The following PRH1 variants were observed in gnomAD, a reference collection of about 807,000 sequenced individuals.
PRH1 encodes salivary acidic proline-rich phosphoprotein 1/2.
A neutral mutation model predicts 7.9 loss-of-function variants in PRH1; 7 were observed. The observed-to-expected ratio is 0.89, with a 90% CI of 0.50 to 1.67. The LOEUF (loss-of-function observed/expected upper bound fraction) is 1.67, where lower values mean the gene tolerates loss of function less well. Ranked by LOEUF, PRH1 falls within the 40% of genes most tolerant of loss-of-function variation. The pLI is 0.00. For missense variants in PRH1, 109 were observed against 223.6 expected (o/e 0.49, Z 3.27); for synonymous variants, 45 against 80.8 (o/e 0.56, Z 2.38).
chr12:11,143,038 G>T (rs908644813), intron 1 of PRH1, among the ~76,000 whole-genome samples: 24 of 152,150 alleles, frequency 1.6e-4, no homozygotes, highest in African/African-American at 5.5e-4. Context: ...TAAGGAGACA[G>T]AAAAACACAG....
At chr12:10,926,263 G>C (rs1277688385) in intron 2 of PRH1, among the ~76,000 whole-genome samples, 1 of 152,140 alleles carries the variant, frequency 6.6e-6, no homozygotes, top group African/African-American at 2.4e-5. Context: ...TAAACTGCCA[G>C]ACAAGCAACT....
intron 1 of PRH1, among the ~76,000 whole-genome samples, chr12:11,083,718 G>A (rs1259829897): frequency 2.0e-5 from 3 of 152,284 alleles, no homozygotes; most frequent in Non-Finnish European, 2.9e-5. Context: ...CATCCCAATT[G>A]TTATGATAAT....
intron 2 of PRH1, chr12:10,938,463 T>G (rs755402197): frequency 1.2e-6 from 2 of 1,613,884 alleles, no homozygotes; most frequent in African/African-American, 2.7e-5. Flanking sequence ...CAAACTGATA[T>G]GAAAAAAGAC....
chr12:11,065,838 A>C (rs1278890159), intron 1 of PRH1, among the ~76,000 whole-genome samples: 1 of 152,206 alleles, frequency 6.6e-6, no homozygotes, highest in Admixed American at 6.5e-5. Flanking sequence ...ACTTGGAAGA[A>C]ACTGGAAATT....
At chr12:11,133,102 A>G (rs1946416810) in intron 1 of PRH1, 1 of 668,956 alleles carries the variant, frequency 1.5e-6, no homozygotes, top group African/African-American at 1.9e-5. Flanking sequence ...GTTATTGTCA[A>G]TGTTCTTCAG....
chr12:11,171,317 C>T (rs953287918), intron 1 of PRH1: 17 of 1,210,506 alleles, frequency 1.4e-5, no homozygotes, highest in Non-Finnish European at 1.7e-5. Context: ...CCTGCGGCAA[C>T]CCTCGCTACA....
At chr12:10,908,782 CAA>C (rs1308300626) in intron 2 of PRH1, 1 of 1,613,870 alleles carries the variant, frequency 6.2e-7, no homozygotes, top group African/African-American at 1.3e-5. Flanking sequence ...GAAAATGTTT[CAA>C]AGTCACTCAT....
chr12:10,957,267 T>C (rs545870556), intron 2 of PRH1, among the ~76,000 whole-genome samples: 11 of 152,140 alleles, frequency 7.2e-5, no homozygotes, highest in Non-Finnish European at 4.4e-5. Flanking sequence ...GCCACCCACC[T>C]ACAACCATCT....
intron 1 of PRH1, among the ~76,000 whole-genome samples, chr12:10,989,059 C>A (rs957583845): frequency 6.6e-6 from 1 of 152,170 alleles, no homozygotes; most frequent in Non-Finnish European, 1.5e-5. Context: ...CCACCCGCCT[C>A]GGCCTCCCAA....
At chr12:11,072,838 TGG>T (rs1237197181) in intron 1 of PRH1, among the ~76,000 whole-genome samples, 2 of 119,274 alleles carry the variant, frequency 1.7e-5, no homozygotes, top group Non-Finnish European at 4.0e-5. Flanking sequence ...GGCCTTTGTT[TGG>T]TAAGAACGAA....
intron 1 of PRH1, among the ~76,000 whole-genome samples, chr12:11,007,793 A>C (rs11054155): frequency 0.23 from 34,566 of 151,930 alleles, 3,982 homozygotes; most frequent in Non-Finnish European, 0.24. Context: ...GAATGAGATC[A>C]CCCCCTCCAG....
chr12:10,952,848 T>C (rs1409398786), intron 2 of PRH1, among the ~76,000 whole-genome samples: 1 of 152,154 alleles, frequency 6.6e-6, no homozygotes, highest in Non-Finnish European at 1.5e-5. Flanking sequence ...CTGGCATGTG[T>C]TAACAAGCTT....
At chr12:10,924,234 G>A (rs985125482) in intron 2 of PRH1, among the ~76,000 whole-genome samples, 4 of 151,966 alleles carry the variant, frequency 2.6e-5, no homozygotes, top group South Asian at 2.1e-4. Context: ...TGATCCACCC[G>A]CCTCGGCCTC....
chr12:11,096,451 C>T lies in PRH1; in HGVS notation n.124-49263G>A, dbSNP rs574654757. On this transcript the variant is annotated intron_variant and non_coding_transcript_variant, in intron 1 of 4. Transcript: ENST00000541977. ...CTAACGGAGAAACTAAACCAATATT[C>T]CTAAAATCAAGTTATTAAAAAAAGT... Among the ~76,000 whole-genome samples the T allele has an allele frequency of 6.1e-5, 7 of 114,458 alleles. 2 individuals carry two copies. The East Asian group carries it at 6.3e-4, about 10-fold the overall frequency. The allele number at this position is 114,458 out of a possible 152,430, so 75.1% of individuals were successfully genotyped here. A position where few individuals can be genotyped will look rare whatever the true frequency, so the allele number is the denominator to read the frequency against.
intron 1 of PRH1, among the ~76,000 whole-genome samples, chr12:11,145,184 TTTG>T (rs1412517805): frequency 2.0e-5 from 3 of 152,138 alleles, no homozygotes; most frequent in African/African-American, 7.2e-5. Flanking sequence ...CTTTTTTTGT[TTTG>T]TTTTTTGTTT....
rs1465757252 is a variant in PRH1, at chr12:11,090,693, T to A, written n.124-43505A>T. Among the ~76,000 whole-genome samples, 4 of 118,190 alleles carry A rather than the reference T, an allele frequency of 3.4e-5. 1 individual carries two copies. The highest frequency in any genetic ancestry group is 1.1e-4 in the African/African-American group (4 of 35,022). The allele number at this position is 118,190 out of a possible 152,430, so 77.5% of individuals were successfully genotyped here. ...CTCACTCAAATTCTATTGTGTGCAT[T>A]GTTTTCTAACAATAATTCTCATTGC... On this transcript the variant is annotated intron_variant and non_coding_transcript_variant, in intron 1 of 4. Coordinates refer to the PRH1 transcript ENST00000541977.
chr12:11,150,337 T>A (rs1224769182), intron 1 of PRH1, among the ~76,000 whole-genome samples: 1 of 152,100 alleles, frequency 6.6e-6, no homozygotes, highest in South Asian at 2.1e-4. Context: ...CCCAAAGGAC[T>A]ATAAATCATG....
intron 1 of PRH1, among the ~76,000 whole-genome samples, chr12:11,040,480 C>A (rs1004842122): frequency 6.6e-6 from 1 of 152,160 alleles, no homozygotes; most frequent in African/African-American, 2.4e-5. Context: ...AAACCAAACA[C>A]CACATGTTAT....
At chr12:11,145,755 T>C (rs1435971635) in intron 1 of PRH1, among the ~76,000 whole-genome samples, 2 of 118,320 alleles carry the variant, frequency 1.7e-5, no homozygotes, top group Admixed American at 1.7e-4. Context: ...TATTTAAAAA[T>C]TAAGAACTTT....
Sources: allele counts gnomAD v4.1 joint callset (sites outside exome capture counted in the v4.1 genomes callset), GRCh38; gene constraint gnomAD v4.1.1; transcripts MANE v1.5; gene names NCBI Gene and HGNC (gene_info 2026-07-23, HGNC 2026-07-21).